MAGOH: variants seen among roughly 807,000 people sequenced by gnomAD.
MAGOH encodes the protein mago homolog, exon junction complex subunit, also known as protein mago nashi homolog.
Under a neutral mutation model 20.9 loss-of-function variants are expected in MAGOH, and 3 were observed. The observed-to-expected ratio is 0.14, with a 90% confidence interval of 0.07 to 0.37. The LOEUF is 0.37. MAGOH is among the 10% of genes least tolerant of loss of function. MAGOH has a pLI of 1.00. For synonymous variants in MAGOH, 51 were observed against 61.0 expected, an observed-to-expected ratio of 0.84 and a Z score of 0.76; for missense variants, 66 against 178.1, an observed-to-expected ratio of 0.37 and a Z score of 3.58.
At chr1:53,234,666 G>A (rs886074436) in intron 2 of MAGOH, among the ~76,000 whole-genome samples, 6 of 152,142 alleles carry the variant, frequency 3.9e-5, no homozygotes, top group Admixed American at 2.6e-4. Flanking sequence ...GAGTCACCGC[G>A]CCCGGCCAGT....
chr1:53,227,675 G>A (rs1341473725), intron 4 of MAGOH, among the ~76,000 whole-genome samples: 1 of 152,046 alleles, frequency 6.6e-6, no homozygotes, highest in Admixed American at 6.6e-5. Context: ...CGAGTAGCTA[G>A]GATTACAGGC....
At chr1:53,238,063 G>T (rs1645622056) in intron 1 of MAGOH, among the ~76,000 whole-genome samples, 1 of 152,134 alleles carries the variant, frequency 6.6e-6, no homozygotes, top group African/African-American at 2.4e-5. Context: ...TTTTGTTTAT[G>T]ATCTCTCTCC....
chr1:53,238,505 C>T lies in MAGOH; in HGVS notation c.-57G>A. The T allele has an allele frequency of 6.7e-7, 1 of 1,487,408 alleles. No homozygotes were observed. Among genetic ancestry groups the T allele is most frequent in the Non-Finnish European group, 9.4e-7 (1 of 1,064,560 alleles). The allele number at this position is 1,487,408 out of a possible 1,614,324, so 92.1% of individuals were successfully genotyped here. ...CAAGAGCAAGCCGCACTGCCGCCGT[C>T]TGCGCCCGACACTGACGTTTGCGGC... On this transcript the variant is annotated 5_prime_UTR_variant, in exon 1 of 5. Transcript: ENST00000371470.
intron 3 of MAGOH, among the ~76,000 whole-genome samples, chr1:53,229,792 A>G (rs926388090): frequency 1.3e-5 from 2 of 152,080 alleles, no homozygotes; most frequent in African/African-American, 4.8e-5. Context: ...GGTGGTGTGC[A>G]TCCGTGGTCC....
chr1:53,238,280 C>G (rs1470596836), intron 1 of MAGOH, 81 bp downstream of exon 1: 2 of 1,309,716 alleles, frequency 1.5e-6, no homozygotes, highest in Non-Finnish European at 2.2e-6. Flanking sequence ...TAGTTCCCCA[C>G]AGATTTCCGA....
At chr1:53,228,367 G>A (rs1026529191) in intron 4 of MAGOH, among the ~76,000 whole-genome samples, 4 of 152,142 alleles carry the variant, frequency 2.6e-5, no homozygotes, top group African/African-American at 4.8e-5. Flanking sequence ...AGGAGGCAGA[G>A]GTTGCAGTGA....
At chr1:53,237,257 C>G (rs1645616353) in intron 1 of MAGOH, among the ~76,000 whole-genome samples, 1 of 151,630 alleles carries the variant, frequency 6.6e-6, no homozygotes, top group African/African-American at 2.4e-5. Flanking sequence ...CCCCCAACAT[C>G]TTTCGTGTCT....
rs758293330 is a variant in MAGOH, at chr1:53,235,643, G to A, written c.89-8C>T. ...TGGCATATCTTAACTTCCCTGTGGG[G>A]GCAAAAAACAATTTCAACGTATAAT... On this transcript the variant is annotated splice_polypyrimidine_tract_variant and splice_region_variant and intron_variant, in intron 1 of 4. Transcript: ENST00000371470. The A allele has an allele frequency of 2.1e-5, 33 of 1,609,474 alleles. No homozygotes were observed. Among genetic ancestry groups the A allele is most frequent in the Non-Finnish European group, 2.7e-5 (32 of 1,177,340 alleles).
chr1:53,233,819 G>C (rs771980514), intron 2 of MAGOH, 167 bp from the exon 3 acceptor site: 1 of 570,134 alleles, frequency 1.8e-6, no homozygotes, highest in Non-Finnish European at 3.2e-6. Context: ...TGAGGGACAC[G>C]GTCAGAAGTA....
chr1:53,234,401 C>T (rs1405143046), intron 2 of MAGOH, among the ~76,000 whole-genome samples: 2 of 142,842 alleles, frequency 1.4e-5, no homozygotes, highest in African/African-American at 2.6e-5. Flanking sequence ...TGAAACGGAG[C>T]CTTGCTCTGT....
intron 3 of MAGOH, among the ~76,000 whole-genome samples, chr1:53,230,734 TGGCCTA>T: frequency 6.6e-6 from 1 of 152,306 alleles, no homozygotes; most frequent in African/African-American, 2.4e-5. Flanking sequence ...TCACTGCACC[TGGCCTA>T]GACGTGGTAG....
At chr1:53,235,169 G>A (rs1288058515) in intron 2 of MAGOH, among the ~76,000 whole-genome samples, 2 of 152,096 alleles carry the variant, frequency 1.3e-5, no homozygotes, top group Admixed American at 6.5e-5. Context: ...TCTTCATTGT[G>A]TACCATGTAC....
At chr1:53,236,949 C>CTT (rs55693928) in intron 1 of MAGOH, among the ~76,000 whole-genome samples, 2,349 of 127,994 alleles carry the variant, frequency 0.018, 75 homozygotes, top group East Asian at 0.043. Context: ...CAACCAGTAT[C>CTT]TTTTTTTTTT....
intron 3 of MAGOH, among the ~76,000 whole-genome samples, chr1:53,232,040 C>T (rs1239853040): frequency 6.6e-6 from 1 of 152,114 alleles, no homozygotes; most frequent in Non-Finnish European, 1.5e-5. Context: ...TGGCTTATTG[C>T]TGGTACAAAG....
intron 3 of MAGOH, 43 bp downstream of exon 3, chr1:53,233,499 A>C: frequency 1.4e-6 from 2 of 1,412,316 alleles, no homozygotes; most frequent in Non-Finnish European, 2.0e-6. Context: ...GGGGGGTCTT[A>C]TTTGTAAGAT....
chr1:53,229,311 G>A (rs1171887145), intron 3 of MAGOH, among the ~76,000 whole-genome samples: 1 of 151,642 alleles, frequency 6.6e-6, no homozygotes, highest in Non-Finnish European at 1.5e-5. Context: ...CGATTCTCCT[G>A]CCTCAGCTTC....
chr1:53,236,176 G>A (rs1275452235), intron 1 of MAGOH, among the ~76,000 whole-genome samples: 1 of 152,212 alleles, frequency 6.6e-6, no homozygotes, highest in Non-Finnish European at 1.5e-5. Context: ...GGAGAAGACA[G>A]AAGGAAATAG....
chr1:53,231,036 C>T (rs1461569958), intron 3 of MAGOH, among the ~76,000 whole-genome samples: 1 of 152,142 alleles, frequency 6.6e-6, no homozygotes, highest in Non-Finnish European at 1.5e-5. Flanking sequence ...AAAATTACTC[C>T]CTAACGCGGT....
chr1:53,227,140 G>A lies in MAGOH; in HGVS notation c.346C>T (p.Pro116Ser), dbSNP rs367623791. 7 of 1,576,844 alleles carry A rather than the reference G, an allele frequency of 4.4e-6. No homozygotes were observed. The African/African-American group carries it at 9.6e-5, about 22-fold the overall frequency. ...SLIDVNQSKD[P>S]EGLRVFYYLV... ...TAATAAAATACTCGTAAGCCTTCTG[G>A]ATCCCTAAAATACAAAAGGAAAAAA... Residue 116 changes from proline to serine, a missense_variant, in exon 5 of 5, where the codon CCA (proline) becomes TCA (serine). Transcript: ENST00000371470.
Sources: allele counts gnomAD v4.1 joint callset (sites outside exome capture counted in the v4.1 genomes callset), GRCh38; gene constraint gnomAD v4.1.1; transcripts MANE v1.5; gene names NCBI Gene and HGNC (gene_info 2026-07-23, HGNC 2026-07-21).